Variants in ZNG1A observed in about 807,000 individuals in gnomAD.
ZNG1A encodes Zn regulated GTPase metalloprotein activator 1A, also known as zinc-regulated GTPase metalloprotein activator 1A.
the ZNG1A span, among the ~76,000 whole-genome samples, chr9:126,550 A>T: frequency 6.6e-6 from 1 of 151,962 alleles, no homozygotes; most frequent in African/African-American, 2.4e-5. Context: ...GTCAGTTGTA[A>T]TATCTCCCGT....
chr9:150,419 C>T, the ZNG1A span: 40 of 978,984 alleles, frequency 4.1e-5, no homozygotes, highest in Non-Finnish European at 4.6e-5. Context: ...AGCCACCGCG[C>T]CCAGCCCAAA....
chr9:174,018 G>A, the ZNG1A span, among the ~76,000 whole-genome samples: 1 of 151,762 alleles, frequency 6.6e-6, no homozygotes, highest in Non-Finnish European at 1.5e-5. Flanking sequence ...GTGGTAGCGG[G>A]TGCCTGTAGT....
At chr9:157,396 T>C in the ZNG1A span, among the ~76,000 whole-genome samples, 1 of 133,198 alleles carries the variant, frequency 7.5e-6, no homozygotes, top group Non-Finnish European at 1.6e-5. Flanking sequence ...CAAACCTCAA[T>C]AGAGGTTCCC....
chr9:139,777 G>C, the ZNG1A span, among the ~76,000 whole-genome samples: 23 of 151,742 alleles, frequency 1.5e-4, no homozygotes, highest in African/African-American at 5.6e-4. Flanking sequence ...GGGAGTGCCA[G>C]ACAGTGGGCG....
chr9:175,596 A>T, the ZNG1A span: 1 of 1,329,314 alleles, frequency 7.5e-7, no homozygotes. Context: ...ACATCAATAC[A>T]ATACCTTGCA....
chr9:146,297 A>T, the ZNG1A span: 72 of 680,740 alleles, frequency 1.1e-4, no homozygotes, highest in Non-Finnish European at 2.9e-5. Context: ...TTTGAATCAC[A>T]GTTGAATCAA....
the ZNG1A span, chr9:162,560 C>T: frequency 1.4e-6 from 2 of 1,419,574 alleles, no homozygotes; most frequent in Non-Finnish European, 1.9e-6. Flanking sequence ...TTAAAACTAA[C>T]CTATTTCAGT....
chr9:127,750 T>G, the ZNG1A span, among the ~76,000 whole-genome samples: 1 of 152,180 alleles, frequency 6.6e-6, no homozygotes. Flanking sequence ...CTTGTTTTTC[T>G]GGTTTTTGTT....
chr9:170,359 G>A, the ZNG1A span, among the ~76,000 whole-genome samples: 12 of 139,178 alleles, frequency 8.6e-5, no homozygotes, highest in Non-Finnish European at 3.1e-5. Flanking sequence ...GTATGAATGT[G>A]TGTGTGTGTG....
the ZNG1A span, among the ~76,000 whole-genome samples, chr9:156,167 AT>A: frequency 6.9e-6 from 1 of 144,962 alleles, no homozygotes; most frequent in Admixed American, 6.9e-5. Context: ...ATATATATAT[AT>A]ATAAAATCTT....
chr9:138,070 C>A, the ZNG1A span, among the ~76,000 whole-genome samples: 1 of 150,552 alleles, frequency 6.6e-6, no homozygotes, highest in African/African-American at 2.5e-5. Flanking sequence ...AAATAACTCA[C>A]ATGTAATTCA....
chr9:178,149 C>T, the ZNG1A span, among the ~76,000 whole-genome samples: 3 of 150,966 alleles, frequency 2.0e-5, no homozygotes, highest in Non-Finnish European at 4.4e-5. Flanking sequence ...AGTGTAAGTG[C>T]ATAAACCGCC....
At chr9:139,208 T>A in the ZNG1A span, among the ~76,000 whole-genome samples, 1 of 149,990 alleles carries the variant, frequency 6.7e-6, no homozygotes, top group African/African-American at 2.5e-5. Context: ...AACCTTGCCA[T>A]ATGCAAAAAC....
chr9:164,349 A>G, the ZNG1A span: 1 of 245,442 alleles, frequency 4.1e-6, no homozygotes, highest in Non-Finnish European at 7.6e-6. Context: ...GATATTATCA[A>G]ACAATTTGAG....
chr9:121,454 A>T, the ZNG1A span: 24 of 1,609,656 alleles, frequency 1.5e-5, no homozygotes, highest in Admixed American at 2.5e-4. Flanking sequence ...TTTGATAAGA[A>T]ATGCCTCTAG....
chr9:128,129 A>T, the ZNG1A span, among the ~76,000 whole-genome samples: 32 of 151,766 alleles, frequency 2.1e-4, no homozygotes, highest in African/African-American at 7.5e-4. Context: ...TTTCATCTTA[A>T]CTTTAGATAA....
chr9:154,431 G>A, the ZNG1A span: 1 of 498,028 alleles, frequency 2.0e-6, no homozygotes, highest in Non-Finnish European at 3.5e-6. Context: ...CTGACATTAG[G>A]AAAGAGTCAA....
the ZNG1A span, among the ~76,000 whole-genome samples, chr9:155,722 C>T: frequency 1.3e-5 from 2 of 152,016 alleles, no homozygotes; most frequent in Non-Finnish European, 1.5e-5. Flanking sequence ...ACAGTATGTA[C>T]ATCACAAATC....
At chr9:160,651 T>A in the ZNG1A span, among the ~76,000 whole-genome samples, 17 of 151,584 alleles carry the variant, frequency 1.1e-4, 1 homozygote, top group Admixed American at 9.9e-4. Context: ...CTCTTCTCCA[T>A]ACCCAACTAT....
Sources: allele counts gnomAD v4.1 joint callset (sites outside exome capture counted in the v4.1 genomes callset), GRCh38; gene constraint gnomAD v4.1.1; transcripts MANE v1.5; gene names NCBI Gene and HGNC (gene_info 2026-07-23, HGNC 2026-07-21).